The following GPC6 variants were observed in gnomAD, a reference collection of about 807,000 sequenced individuals.
GPC6 encodes the protein glypican-6.
In GPC6, 14 loss-of-function variants were observed where a neutral mutation model predicts 55.2. The observed-to-expected ratio is 0.25, with a 90% confidence interval of 0.17 to 0.40. The LOEUF is 0.40. Ranked by LOEUF, GPC6 falls within the 10% of genes least tolerant of loss-of-function variation. The pLI is 1.00. For synonymous variants in GPC6, 278 were observed against 259.6 expected, an observed-to-expected ratio of 1.07 and a Z score of -0.68; for missense variants, 641 against 708.5, an observed-to-expected ratio of 0.90 and a Z score of 1.08.
intron 2 of GPC6, among the ~76,000 whole-genome samples, chr13:93,724,870 C>T (rs748221100): frequency 2.6e-5 from 4 of 151,832 alleles, no homozygotes; most frequent in Non-Finnish European, 2.9e-5. Context: ...ATGTTACATC[C>T]GTATAAATGA....
In GPC6 at chr13:93,389,469, A is replaced by C. The variant is rs868273174; in HGVS notation, c.161-155794A>C. The stretch of plus-strand genomic sequence containing the variant: ...TAGTGAGCCGAGATCGCACCACTGC[A>C]CTCCAGCTTGGGCAACAGAGCAAGA... On this transcript the variant is annotated intron_variant, in intron 1 of 8. Transcript: ENST00000377047. Among the ~76,000 whole-genome samples the C allele has an allele frequency of 9.3e-5, 14 of 150,376 alleles. No individual in the cohort carries two copies. In the South Asian group the frequency reaches 3.0e-3, roughly 32 times the overall value.
At chr13:94,303,820 A>C (rs1356021997) in intron 5 of GPC6, among the ~76,000 whole-genome samples, 2 of 152,030 alleles carry the variant, frequency 1.3e-5, no homozygotes, top group East Asian at 3.9e-4. Context: ...ATTATGATGA[A>C]ATATCTCCCT....
At chr13:94,022,814 A>G (rs1882749412) in intron 3 of GPC6, among the ~76,000 whole-genome samples, 1 of 152,056 alleles carries the variant, frequency 6.6e-6, no homozygotes, top group Admixed American at 6.6e-5. Context: ...TCCTCTGATG[A>G]CTAATGATGT....
chr13:94,345,363 A>G (rs927657668), intron 6 of GPC6, among the ~76,000 whole-genome samples: 2 of 152,180 alleles, frequency 1.3e-5, no homozygotes, highest in African/African-American at 4.8e-5. Context: ...TTGGGGGGGA[A>G]AAGAAAAAGT....
chr13:93,531,335 CAT>C (rs1354311371), intron 1 of GPC6, among the ~76,000 whole-genome samples: 2 of 151,936 alleles, frequency 1.3e-5, no homozygotes, highest in African/African-American at 4.8e-5. Context: ...GGAATTGGCT[CAT>C]GTGGTGTAAG....
Position 93,972,382 on chromosome 13 carries a change from G to C in GPC6, c.712-55347G>C, listed in dbSNP as rs530625389. Among the ~76,000 whole-genome samples, 5 of 152,186 alleles carry C rather than the reference G, an allele frequency of 3.3e-5. No individual in the cohort carries two copies. In the East Asian group the frequency reaches 5.8e-4, roughly 18 times the overall value. On this transcript the variant is annotated intron_variant, in intron 3 of 8. Coordinates refer to ENST00000377047, the MANE Select transcript of GPC6 (RefSeq NM_005708.5). ...CATTTGGGATTATTTAGTTTCTTTGGGGATGCTATGTATGTCCCTAGAGAT... is the reference window on the plus strand; with the variant it reads ...CATTTGGGATTATTTAGTTTCTTTGCGGATGCTATGTATGTCCCTAGAGAT...
chr13:93,660,368 A>G (rs554012709), intron 2 of GPC6, among the ~76,000 whole-genome samples: 1 of 152,306 alleles, frequency 6.6e-6, no homozygotes, highest in African/African-American at 2.4e-5. Context: ...TTCTCGCAGA[A>G]GGTCAGTAAA....
At chr13:93,975,795 T>A (rs1361225788) in intron 3 of GPC6, among the ~76,000 whole-genome samples, 2 of 152,156 alleles carry the variant, frequency 1.3e-5, no homozygotes. Flanking sequence ...TGGTGTTAAA[T>A]GTATTAGATT....
intron 1 of GPC6, among the ~76,000 whole-genome samples, chr13:93,306,958 G>T (rs779048441): frequency 6.6e-6 from 1 of 152,022 alleles, no homozygotes. Context: ...TTTTTATAAT[G>T]GTGCTTAGAA....
chr13:94,173,343 T>C (rs1266723196), intron 4 of GPC6, among the ~76,000 whole-genome samples: 1 of 152,180 alleles, frequency 6.6e-6, no homozygotes, highest in African/African-American at 2.4e-5. Flanking sequence ...CATAGCTCTT[T>C]GGTACAGTTC....
chr13:94,107,186 A>G (rs1303063881), intron 4 of GPC6, among the ~76,000 whole-genome samples: 2 of 152,174 alleles, frequency 1.3e-5, no homozygotes, highest in African/African-American at 4.8e-5. Context: ...AGAAGTGAAA[A>G]TATTGCAGAG....
intron 4 of GPC6, among the ~76,000 whole-genome samples, chr13:94,081,357 T>C (rs1056482923): frequency 2.0e-5 from 3 of 152,172 alleles, no homozygotes; most frequent in African/African-American, 7.2e-5. Flanking sequence ...ATATTATCTC[T>C]TCAGTTACTC....
At chr13:93,600,482 G>A (rs1378031865) in intron 2 of GPC6, among the ~76,000 whole-genome samples, 16 of 152,156 alleles carry the variant, frequency 1.1e-4, no homozygotes, top group Admixed American at 9.8e-4. Flanking sequence ...AACTTTCTAA[G>A]AGTGGGGAAA....
intron 2 of GPC6, among the ~76,000 whole-genome samples, chr13:93,596,390 G>T (rs1362978979): frequency 6.6e-6 from 1 of 151,970 alleles, no homozygotes; most frequent in African/African-American, 2.4e-5. Flanking sequence ...AATGAGACGA[G>T]TTAGGGGGAA....
chr13:93,929,317 C>T (rs1566608145), intron 3 of GPC6, among the ~76,000 whole-genome samples: 1 of 152,202 alleles, frequency 6.6e-6, no homozygotes, highest in Admixed American at 6.5e-5. Context: ...TTATCTTCCA[C>T]CTTTTCCATA....
chr13:93,413,117 G>A (rs1228476554), intron 1 of GPC6, among the ~76,000 whole-genome samples: 1 of 152,168 alleles, frequency 6.6e-6, no homozygotes, highest in Non-Finnish European at 1.5e-5. Context: ...TCCATGTTGT[G>A]TTGGTCTGAG....
chr13:93,223,187 C>T (rs891090831), upstream of GPC6, among the ~76,000 whole-genome samples: 3 of 151,990 alleles, frequency 2.0e-5, no homozygotes, highest in South Asian at 2.1e-4. Context: ...AAAGAAAGGG[C>T]GATGGCTGTG....
rs555139513 is a variant in GPC6 at position 93,893,521 on chromosome 13, C to T, written c.711+62976C>T. On this transcript the variant is annotated intron_variant, in intron 3 of 8. Transcript: ENST00000377047. ...ACAGGCCTGGGATTACAGACATGAG[C>T]CACGTGCCAGCCAACAAGGATGTTA... Among the ~76,000 whole-genome samples the T allele has an allele frequency of 2.0e-5, 3 of 152,214 alleles. No homozygotes were observed. In the South Asian group the frequency reaches 6.2e-4, roughly 32 times the overall value.
intron 2 of GPC6, among the ~76,000 whole-genome samples, chr13:93,812,539 A>G (rs563205362): frequency 2.0e-5 from 3 of 152,346 alleles, no homozygotes; most frequent in African/African-American, 7.2e-5. Context: ...AGGATATCAC[A>G]TAACTAACAC....
Sources: gnomAD v4.1 joint callset for allele counts (sites outside exome capture counted in the v4.1 genomes callset) on GRCh38, gnomAD v4.1.1 for gene constraint, MANE v1.5 for transcripts, NCBI Gene and HGNC (gene_info 2026-07-23, HGNC 2026-07-21) for gene names.